PCYT1A: variants seen among roughly 807,000 people sequenced by gnomAD.
PCYT1A encodes the protein choline-phosphate cytidylyltransferase A.
In PCYT1A, 25 loss-of-function variants were observed where a neutral mutation model predicts 43.7. The observed-to-expected ratio is 0.57, with a 90% CI of 0.42 to 0.80. PCYT1A has a LOEUF of 0.80. PCYT1A is among the 30% of genes least tolerant of loss of function. The pLI, the probability that PCYT1A is intolerant of heterozygous loss-of-function variation, is 0.00. For missense variants in PCYT1A, 421 were observed against 474.2 expected (o/e 0.89, Z 1.04); for synonymous variants, 172 against 170.7 (o/e 1.01, Z -0.06).
chr3:196,243,055 C>T (rs571905493), intron 5 of PCYT1A: 28 of 188,072 alleles, frequency 1.5e-4, no homozygotes, highest in African/African-American at 5.4e-4. Context: ...AGGCCAGGCA[C>T]GGTGGCTCAT....
chr3:196,269,277 T>C (rs918737967), intron 2 of PCYT1A, among the ~76,000 whole-genome samples: 2 of 152,250 alleles, frequency 1.3e-5, no homozygotes, highest in Non-Finnish European at 2.9e-5. Flanking sequence ...TATTTGCTTT[T>C]ATTGCTCAAG....
chr3:196,268,109 A>C lies in PCYT1A; in HGVS notation c.117+2306T>G, dbSNP rs1725329722. Among the ~76,000 whole-genome samples, 2 of 150,048 alleles carry C rather than the reference A, an allele frequency of 1.3e-5. No individual in the cohort carries two copies. Among genetic ancestry groups the C allele is most frequent in the African/African-American group, 2.5e-5 (1 of 40,282 alleles). ...AAGCAAAGTAATTTAAAGCATTAAG[A>C]CTCCCCAGAAGAATTTAAAAAAAAA... On this transcript the variant is annotated intron_variant, in intron 2 of 8. Transcript: ENST00000431016. The surrounding 1 kb of genome is among the most constrained non-coding windows in gnomAD (Gnocchi z 4.4).
rs73084675 is a variant in PCYT1A at position 196,239,828 on chromosome 3, G to A, written c.709-93C>T. The A allele has an allele frequency of 3.4e-3, 2,704 of 802,270 alleles. 62 individuals are homozygous for A. In the African/African-American group the frequency reaches 0.042, roughly 12 times the overall value. 49.7% of individuals were successfully genotyped at this position (802,270 alleles called of 1,614,324 possible). A position where few individuals can be genotyped will look rare whatever the true frequency, so the allele number is the denominator to read the frequency against. ...AAAAACATGGCTCAAGCACTCAATT[G>A]ACACTGTTTTCAGTCTAGAATTTTG... On this transcript the variant is annotated intron_variant, in intron 7 of 8. Coordinates refer to ENST00000431016, the MANE Select transcript of PCYT1A (RefSeq NM_001312673.2).
rs77174586 is a variant in PCYT1A at position 196,282,604 on chromosome 3, A to G, written c.-11+5011T>C. 0.11 allele frequency among the ~76,000 whole-genome samples: 16,256 copies of G among 152,250 alleles called. 1,070 individuals carry two copies. Among genetic ancestry groups the G allele is most frequent in the South Asian group, 0.19 (934 of 4,826 alleles). Reference sequence around the variant, plus strand: ...ATACTTCTTAAATTTTGATAACTATATATCAATATAATTCAATATAACTGG... The same window carrying G: ...ATACTTCTTAAATTTTGATAACTATGTATCAATATAATTCAATATAACTGG... On this transcript the variant is annotated intron_variant, in intron 1 of 8. Coordinates refer to ENST00000431016, the MANE Select transcript of PCYT1A (RefSeq NM_001312673.2). This position sits in a 1 kb window ranked among gnomAD's most constrained non-coding sequence, Gnocchi z 4.3.
intron 1 of PCYT1A, among the ~76,000 whole-genome samples, chr3:196,283,709 G>A (rs1055953114): frequency 6.6e-6 from 1 of 152,152 alleles, no homozygotes; most frequent in Non-Finnish European, 1.5e-5. Flanking sequence ...GAGAGGTTTA[G>A]GACTAAAAAC....
chr3:196,256,073 C>A (rs1724941696), intron 3 of PCYT1A, among the ~76,000 whole-genome samples: 1 of 152,092 alleles, frequency 6.6e-6, no homozygotes, highest in Non-Finnish European at 1.5e-5. Context: ...AGGTTGTGAT[C>A]AATATGAACT....
intron 2 of PCYT1A, among the ~76,000 whole-genome samples, chr3:196,265,689 G>A (rs1218962223): frequency 1.3e-5 from 2 of 152,002 alleles, no homozygotes; most frequent in Non-Finnish European, 2.9e-5. Flanking sequence ...TAGGGAGGCA[G>A]AGGTGGGCGG....
At chr3:196,243,843 C>T (rs7641647) in intron 5 of PCYT1A, among the ~76,000 whole-genome samples, 19,381 of 109,418 alleles carry the variant, frequency 0.18, 1,257 homozygotes, top group South Asian at 0.32. Context: ...GTGCTCAATG[C>T]TGCCCAGGCT....
chr3:196,240,472 G>C (rs1724315592), intron 7 of PCYT1A: 1 of 152,202 alleles, frequency 6.6e-6, no homozygotes, highest in South Asian at 2.1e-4. Flanking sequence ...ACTGCTTGAG[G>C]CCAGGAACTC....
Position 196,277,194 on chromosome 3 carries a change from C to CA in PCYT1A, c.-10-6654dup, listed in dbSNP as rs2108780915. On this transcript the variant is annotated intron_variant, in intron 1 of 8. Coordinates refer to ENST00000431016, the MANE Select transcript of PCYT1A (RefSeq NM_001312673.2). This position sits in a 1 kb window ranked among gnomAD's most constrained non-coding sequence, Gnocchi z 4.1. The stretch of plus-strand genomic sequence containing the variant: ...GCAGTGAGCCAAGATCATGCCATTG[C>CA]ACTCCAGCCTGGGTGACAAGAGTGA... 6.6e-6 allele frequency among the ~76,000 whole-genome samples: 1 copy of CA among 152,254 alleles called. No homozygotes were observed. Among genetic ancestry groups the CA allele is most frequent in the East Asian group, 1.9e-4 (1 of 5,178 alleles).
In PCYT1A at chr3:196,278,900, G is replaced by A. The variant is rs1463146784; in HGVS notation, c.-10-8359C>T. On this transcript the variant is annotated intron_variant, in intron 1 of 8. Transcript: ENST00000431016. ...GGAGTCTGTGGTGGCAGAATCGCTTGAACCCAGGATGCAGAGGTTGCAGTG... is the reference window on the plus strand; with the variant it reads ...GGAGTCTGTGGTGGCAGAATCGCTTAAACCCAGGATGCAGAGGTTGCAGTG... Among the ~76,000 whole-genome samples, 4 of 146,948 alleles carry A rather than the reference G, an allele frequency of 2.7e-5. No homozygotes were observed. In the East Asian group the frequency reaches 8.0e-4, roughly 29 times the overall value.
chr3:196,245,165 C>T (rs1482021769), intron 5 of PCYT1A, among the ~76,000 whole-genome samples: 1 of 148,814 alleles, frequency 6.7e-6, no homozygotes, highest in Non-Finnish European at 1.5e-5. Flanking sequence ...TTTTTGAGAC[C>T]GAGTCTCGCT....
chr3:196,241,670 A>G, intron 7 of PCYT1A: 3 of 1,388,920 alleles, frequency 2.2e-6, no homozygotes, highest in Non-Finnish European at 2.8e-6. Flanking sequence ...TTTAAGAGAC[A>G]CCGTTTTCCA....
chr3:196,271,537 C>T (rs1473930476), intron 1 of PCYT1A, among the ~76,000 whole-genome samples: 1 of 151,938 alleles, frequency 6.6e-6, no homozygotes, highest in African/African-American at 2.4e-5. Context: ...AGCAATCCTC[C>T]CATCTGAGCC....
intron 2 of PCYT1A, among the ~76,000 whole-genome samples, chr3:196,263,694 G>A (rs1725183147): frequency 6.6e-6 from 1 of 152,052 alleles, no homozygotes; most frequent in Non-Finnish European, 1.5e-5. Context: ...GTACAGTGGC[G>A]CGATCTCGGC....
intron 2 of PCYT1A, among the ~76,000 whole-genome samples, chr3:196,262,513 T>C (rs1462009642): frequency 6.6e-6 from 1 of 152,230 alleles, no homozygotes. Context: ...GGTTAGCTTC[T>C]AAAATGCTAT....
At chr3:196,260,405 C>T (rs1434259444) in intron 2 of PCYT1A, among the ~76,000 whole-genome samples, 1 of 152,122 alleles carries the variant, frequency 6.6e-6, no homozygotes, top group Non-Finnish European at 1.5e-5. Flanking sequence ...GAAGTTAGAA[C>T]CATCATACAT....
At chr3:196,265,372 T>C (rs1364607613) in intron 2 of PCYT1A, among the ~76,000 whole-genome samples, 1 of 152,188 alleles carries the variant, frequency 6.6e-6, no homozygotes, top group Admixed American at 6.5e-5. Flanking sequence ...CAGCCTGATA[T>C]ATATTAAGAT....
At chr3:196,271,595 CCTT>C (rs1275596518) in intron 1 of PCYT1A, among the ~76,000 whole-genome samples, 1 of 144,724 alleles carries the variant, frequency 6.9e-6, no homozygotes, top group Non-Finnish European at 1.5e-5. Flanking sequence ...ATGTCCTTCT[CCTT>C]CTTTCCTTTT....
Sources: allele counts gnomAD v4.1 joint callset (sites outside exome capture counted in the v4.1 genomes callset), GRCh38; gene constraint gnomAD v4.1.1; non-coding constraint Gnocchi (gnomAD v3.1); transcripts MANE v1.5; gene names NCBI Gene and HGNC (gene_info 2026-07-23, HGNC 2026-07-21).